The following CSMD1 variants were observed in gnomAD, a reference collection of about 807,000 sequenced individuals.
CSMD1 encodes the protein CUB and sushi domain-containing protein 1.
A neutral mutation model predicts 417.5 loss-of-function variants in CSMD1; 213 were observed. The ratio of observed to expected loss-of-function variants is 0.51; its 90% CI spans 0.46 to 0.57. The LOEUF is 0.57. Among genes scored for constraint, CSMD1 ranks in the 20% least tolerant of loss-of-function variants. CSMD1 has a pLI of 0.00. For missense variants in CSMD1, 6,923 were observed against 4,529.7 expected, an observed-to-expected ratio of 1.53 and a Z score of -15.17; for synonymous variants, 2,862 against 1,736.8, an observed-to-expected ratio of 1.65 and a Z score of -16.11.
At chr8:3,956,797 T>A (rs368961614) in intron 5 of CSMD1, among the ~76,000 whole-genome samples, 1 of 152,060 alleles carries the variant, frequency 6.6e-6, no homozygotes, top group Admixed American at 6.6e-5. Context: ...ATTTAGGAGC[T>A]TGAAGGACAC....
chr8:3,624,739 T>G (rs1419932269), intron 7 of CSMD1, among the ~76,000 whole-genome samples: 2 of 152,242 alleles, frequency 1.3e-5, no homozygotes, highest in Non-Finnish European at 2.9e-5. Context: ...AGGGACACTC[T>G]AGACTTCAGA....
At chr8:3,822,039 C>G (rs1247983904) in intron 5 of CSMD1, among the ~76,000 whole-genome samples, 1 of 152,182 alleles carries the variant, frequency 6.6e-6, no homozygotes, top group Non-Finnish European at 1.5e-5. Flanking sequence ...ACCATGCGGT[C>G]TGACATCTCT....
intron 25 of CSMD1, among the ~76,000 whole-genome samples, chr8:3,302,606 A>G (rs978669927): frequency 2.0e-5 from 3 of 152,184 alleles, no homozygotes; most frequent in Admixed American, 6.5e-5. Flanking sequence ...AGAAGACAAC[A>G]CAACTACCCT....
At chr8:3,562,173 G>C (rs1486203638) in intron 10 of CSMD1, among the ~76,000 whole-genome samples, 1 of 152,082 alleles carries the variant, frequency 6.6e-6, no homozygotes, top group African/African-American at 2.4e-5. Context: ...TACAGTAGTA[G>C]GTGGGGAAAG....
chr8:3,445,941 G>C (rs35989626), intron 12 of CSMD1, among the ~76,000 whole-genome samples: 26,777 of 152,106 alleles, frequency 0.18, 2,984 homozygotes, highest in Middle Eastern at 0.23. Context: ...GAGAGACAGA[G>C]AGGCAACGAT....
At chr8:4,979,224 A>G (rs952830783) in intron 1 of CSMD1, among the ~76,000 whole-genome samples, 2 of 151,998 alleles carry the variant, frequency 1.3e-5, no homozygotes, top group African/African-American at 4.8e-5. Context: ...ATTTTTTTTT[A>G]GTTGCAGTAA....
intron 3 of CSMD1, among the ~76,000 whole-genome samples, chr8:4,068,635 G>C (rs1799383438): frequency 6.6e-6 from 1 of 152,134 alleles, no homozygotes; most frequent in Non-Finnish European, 1.5e-5. Flanking sequence ...TACCATATCA[G>C]TGGAACTGTG....
intron 3 of CSMD1, among the ~76,000 whole-genome samples, chr8:4,355,837 C>T (rs189965038): frequency 1.2e-4 from 18 of 152,216 alleles, no homozygotes; most frequent in Non-Finnish European, 2.6e-4. Context: ...GATTCCAGGC[C>T]GAAAGTAGAG....
intron 1 of CSMD1, among the ~76,000 whole-genome samples, chr8:4,940,625 C>G (rs1190677841): frequency 6.6e-6 from 1 of 152,182 alleles, no homozygotes; most frequent in Non-Finnish European, 1.5e-5. Flanking sequence ...GGGACAAATT[C>G]TCACTTAGGC....
intron 58 of CSMD1, among the ~76,000 whole-genome samples, chr8:2,966,331 AT>A (rs1476536774): frequency 5.9e-5 from 9 of 152,172 alleles, no homozygotes; most frequent in Admixed American, 5.9e-4. Context: ...TTTGGTCTCA[AT>A]TTTACAATGT....
intron 50 of CSMD1, 135 bp downstream of exon 50, chr8:3,052,327 T>C (rs1811871401): frequency 4.8e-6 from 3 of 618,808 alleles, no homozygotes; most frequent in Admixed American, 6.3e-5. Context: ...GGTTTTAATA[T>C]TGCTATGATG....
intron 1 of CSMD1, among the ~76,000 whole-genome samples, chr8:4,949,264 C>G (rs924679983): frequency 2.6e-5 from 4 of 151,788 alleles, no homozygotes; most frequent in African/African-American, 9.7e-5. Context: ...ATGAGAGTGG[C>G]CTGGGATTGT....
chr8:4,113,551 C>A (rs879657160), intron 3 of CSMD1, among the ~76,000 whole-genome samples: 1 of 151,950 alleles, frequency 6.6e-6, no homozygotes, highest in Non-Finnish European at 1.5e-5. Context: ...ATTACAGGCA[C>A]GTGCCAGCAC....
intron 26 of CSMD1, among the ~76,000 whole-genome samples, chr8:3,255,963 C>T (rs951258554): frequency 6.6e-6 from 1 of 152,186 alleles, no homozygotes; most frequent in Admixed American, 6.5e-5. Flanking sequence ...ATCGTTCATG[C>T]TGGGAGCTGT....
chr8:3,823,678 C>A (rs1038582878), intron 5 of CSMD1, among the ~76,000 whole-genome samples: 1 of 152,014 alleles, frequency 6.6e-6, no homozygotes, highest in Non-Finnish European at 1.5e-5. Context: ...ACGTTTTATG[C>A]AATGGATATA....
At chr8:3,235,651 C>T (rs1235088787) in intron 26 of CSMD1, among the ~76,000 whole-genome samples, 2 of 152,182 alleles carry the variant, frequency 1.3e-5, no homozygotes, top group African/African-American at 2.4e-5. Flanking sequence ...CTCTTAAGAT[C>T]CTTCCAAATA....
At chr8:3,911,120 G>C (rs989776519) in intron 5 of CSMD1, among the ~76,000 whole-genome samples, 7 of 152,090 alleles carry the variant, frequency 4.6e-5, no homozygotes, top group African/African-American at 1.4e-4. Flanking sequence ...TACTGGACAG[G>C]TTGCCAATCA....
chr8:3,642,418 A>G (rs988760564), intron 7 of CSMD1, among the ~76,000 whole-genome samples: 4 of 152,200 alleles, frequency 2.6e-5, no homozygotes, highest in African/African-American at 4.8e-5. Flanking sequence ...ACCTAAATTT[A>G]TGATACCTAT....
chr8:3,989,813 G>C (rs1265311164), intron 5 of CSMD1, among the ~76,000 whole-genome samples: 1 of 152,148 alleles, frequency 6.6e-6, no homozygotes, highest in African/African-American at 2.4e-5. Context: ...GTGCCAACAG[G>C]AAGTAACCCA....
Sources: gnomAD v4.1 joint callset for allele counts (sites outside exome capture counted in the v4.1 genomes callset) on GRCh38, gnomAD v4.1.1 for gene constraint, MANE v1.5 for transcripts, NCBI Gene and HGNC (gene_info 2026-07-23, HGNC 2026-07-21) for gene names.